FAT4: variants seen among roughly 807,000 people sequenced by gnomAD.
The protein encoded by FAT4 is protocadherin Fat 4.
A neutral mutation model predicts 303.9 loss-of-function variants in FAT4; 84 were observed. That is an observed-to-expected ratio of 0.28 (90% CI 0.23 to 0.33). FAT4 has a LOEUF of 0.33. Among genes scored for constraint, FAT4 ranks in the 10% least tolerant of loss-of-function variants. The pLI, the probability that FAT4 is intolerant of heterozygous loss-of-function variation, is 1.00. For synonymous variants in FAT4, 2,307 were observed against 2,298.8 expected (o/e 1.00, Z -0.10); for missense variants, 6,005 against 6,146.8 (o/e 0.98, Z 0.77).
intron 14 of FAT4, among the ~76,000 whole-genome samples, chr4:125,479,284 A>G (rs766232257): frequency 6.6e-6 from 1 of 152,160 alleles, no homozygotes; most frequent in South Asian, 2.1e-4. Context: ...AGAAAAAATA[A>G]GTACTTCCTC....
intron 2 of FAT4, among the ~76,000 whole-genome samples, chr4:125,339,746 A>C (rs1401963567): frequency 6.6e-6 from 1 of 152,208 alleles, no homozygotes; most frequent in African/African-American, 2.4e-5. Context: ...TCATACAATT[A>C]GGAAGACCTA....
intron 2 of FAT4, among the ~76,000 whole-genome samples, chr4:125,370,526 A>G (rs370888581): frequency 6.6e-6 from 1 of 152,332 alleles, no homozygotes; most frequent in East Asian, 1.9e-4. Context: ...ATATTCAGCC[A>G]TTTGAAAACA....
chr4:125,447,626 GAT>G (rs1725870487), intron 9 of FAT4, among the ~76,000 whole-genome samples: 1 of 152,036 alleles, frequency 6.6e-6, no homozygotes, highest in Non-Finnish European at 1.5e-5. Context: ...TAAAATTAAA[GAT>G]ATTTTACTTT....
intron 2 of FAT4, among the ~76,000 whole-genome samples, chr4:125,356,549 G>GT (rs57855830): frequency 0.054 from 7,042 of 131,298 alleles, 178 homozygotes; most frequent in Non-Finnish European, 0.063. Flanking sequence ...TTTGTTTTTT[G>GT]TTTTTTTTTT....
chr4:125,426,808 G>C (rs1235309198), intron 7 of FAT4, among the ~76,000 whole-genome samples: 2 of 151,766 alleles, frequency 1.3e-5, no homozygotes, highest in Non-Finnish European at 2.9e-5. Flanking sequence ...ATTAAACTTT[G>C]AAATGGCAAT....
At chr4:125,476,290 A>G in intron 13 of FAT4, 34 bp downstream of exon 13, 3 of 1,292,746 alleles carry the variant, frequency 2.3e-6, no homozygotes, top group Non-Finnish European at 3.2e-6. Context: ...TTTTATTATT[A>G]CTTAAAATTT....
intron 8 of FAT4, among the ~76,000 whole-genome samples, chr4:125,439,484 C>A (rs1002664741): frequency 9.9e-5 from 15 of 151,116 alleles, no homozygotes; most frequent in African/African-American, 3.7e-4. Flanking sequence ...AGGCACCCAC[C>A]ACCATGCCCG....
intron 2 of FAT4, among the ~76,000 whole-genome samples, chr4:125,325,965 G>T (rs1169757688): frequency 6.6e-6 from 1 of 151,980 alleles, no homozygotes; most frequent in Non-Finnish European, 1.5e-5. Context: ...TGATTTCCCA[G>T]GACTCCTTAA....
chr4:125,471,922 A>G (rs111903118), intron 12 of FAT4, among the ~76,000 whole-genome samples: 4 of 133,280 alleles, frequency 3.0e-5, no homozygotes, highest in African/African-American at 1.1e-4. Context: ...AAAAAAAAAA[A>G]AAAAATTAGC....
chr4:125,412,211 A>AT (rs1258880922), intron 5 of FAT4, among the ~76,000 whole-genome samples: 2 of 151,758 alleles, frequency 1.3e-5, no homozygotes, highest in African/African-American at 2.4e-5. Context: ...GTCTGCATGT[A>AT]TTTTTTAGAT....
chr4:125,393,831 C>T lies in FAT4; in HGVS notation c.5176-4953C>T, dbSNP rs555555255. On this transcript the variant is annotated intron_variant, in intron 2 of 17. Coordinates refer to ENST00000394329, the MANE Select transcript of FAT4 (RefSeq NM_001291303.3). ...AATTGGTTATTAGCTCCTTTAATCT[C>T]AGTCATGTGTTTGTCTCTAAATAAA... 6.5e-6 allele frequency: 4 copies of T among 611,624 alleles called. No individual in the cohort carries two copies. The East Asian group carries it at 1.1e-4, about 17-fold the overall frequency. The allele number at this position is 611,624 out of a possible 1,614,324, so 37.9% of individuals were successfully genotyped here.
chr4:125,451,061 A>G lies in FAT4; in HGVS notation c.10051A>G (p.Asn3351Asp). 6.2e-7 allele frequency: 1 copy of G among 1,614,098 alleles called. No homozygotes were observed. Among genetic ancestry groups the G allele is most frequent in the Non-Finnish European group, 8.5e-7 (1 of 1,180,002 alleles). ...GNSRKKGFQI[N>D]KKTGQIYVSG... The stretch of plus-strand genomic sequence containing the variant: ...TAGTCGAAAGAAGGGTTTCCAGATC[A>G]ATAAGAAGACTGGACAGATTTATGT... Residue 3351 changes from asparagine (N) to aspartate (D), a missense_variant, in exon 10 of 18, where the codon AAT becomes GAT. Transcript: ENST00000394329.
chr4:125,448,385 T>G, intron 9 of FAT4, 76 bp from the exon 10 acceptor site: 1 of 1,332,258 alleles, frequency 7.5e-7, no homozygotes, highest in Non-Finnish European at 1.0e-6. Flanking sequence ...ATAGAGTGTC[T>G]TATATGCACT....
intron 2 of FAT4, among the ~76,000 whole-genome samples, chr4:125,352,857 A>G (rs1732283016): frequency 6.6e-6 from 1 of 151,776 alleles, no homozygotes; most frequent in Non-Finnish European, 1.5e-5. Flanking sequence ...TGTATAAGCC[A>G]TAAGACTACA....
At chr4:125,433,799 T>A (rs1725357226) in intron 7 of FAT4, among the ~76,000 whole-genome samples, 1 of 152,190 alleles carries the variant, frequency 6.6e-6, no homozygotes, top group Admixed American at 6.5e-5. Flanking sequence ...GAATTTGTGA[T>A]AGTAACAATG....
Position 125,318,937 on chromosome 4 carries a change from C to T in FAT4, c.2526C>T (p.Asn842=), listed in dbSNP as rs1041644298. Residue 842 remains asparagine (N), a synonymous_variant, in exon 2 of 18, where the codon AAC becomes AAT. Transcript: ENST00000394329. Reference sequence around the variant, plus strand: ...ATCAGAAAGGTATGTTTGCTATCAACCAGGTCACTGGGCAGCTTACCACAG... The same window carrying T: ...ATCAGAAAGGTATGTTTGCTATCAATCAGGTCACTGGGCAGCTTACCACAG... ...TGDQKGMFAI[N]QVTGQLTTAN... The T allele has an allele frequency of 1.9e-6, 3 of 1,614,128 alleles. No individual in the cohort carries two copies. The highest frequency in any genetic ancestry group is 2.5e-6 in the Non-Finnish European group (3 of 1,180,022).
intron 2 of FAT4, among the ~76,000 whole-genome samples, chr4:125,394,256 G>A (rs923591242): frequency 1.3e-5 from 2 of 152,070 alleles, no homozygotes; most frequent in African/African-American, 4.8e-5. Context: ...ATTGTGTTTT[G>A]TTTTTATTCA....
intron 2 of FAT4, among the ~76,000 whole-genome samples, chr4:125,385,274 C>T (rs796228680): frequency 9.9e-5 from 15 of 152,040 alleles, no homozygotes; most frequent in South Asian, 2.1e-4. Context: ...CTACCTGCCT[C>T]GGCCTCCCAA....
intron 2 of FAT4, among the ~76,000 whole-genome samples, chr4:125,388,851 C>T (rs569013003): frequency 1.8e-3 from 280 of 152,238 alleles, no homozygotes; most frequent in African/African-American, 6.5e-3. Flanking sequence ...GTGTTATCCA[C>T]GCTTCTAGCC....
Sources: gnomAD v4.1 joint callset for allele counts (sites outside exome capture counted in the v4.1 genomes callset) on GRCh38, gnomAD v4.1.1 for gene constraint, MANE v1.5 for transcripts, NCBI Gene and HGNC (gene_info 2026-07-23, HGNC 2026-07-21) for gene names.